The following MCU variants were observed in gnomAD, a reference collection of about 807,000 sequenced individuals.
MCU encodes the protein calcium uniporter protein, mitochondrial.
A neutral mutation model predicts 45.2 loss-of-function variants in MCU; 12 were observed. The observed-to-expected ratio is 0.27, with a 90% CI of 0.17 to 0.43. The LOEUF (loss-of-function observed/expected upper bound fraction) is 0.43. MCU is among the 20% of genes least tolerant of loss of function. The pLI is 1.00. For synonymous variants in MCU, 160 were observed against 165.1 expected (o/e 0.97, Z 0.24); for missense variants, 324 against 436.7 (o/e 0.74, Z 2.30).
intron 6 of MCU, among the ~76,000 whole-genome samples, chr10:72,875,366 C>T (rs1194325003): frequency 5.9e-5 from 9 of 152,192 alleles, no homozygotes; most frequent in African/African-American, 9.7e-5. Flanking sequence ...TCTCCCTTCT[C>T]GTCATGCTGT....
intron 1 of MCU, among the ~76,000 whole-genome samples, chr10:72,819,786 T>C (rs1303820531): frequency 7.0e-6 from 1 of 143,342 alleles, no homozygotes; most frequent in Non-Finnish European, 1.5e-5. Flanking sequence ...ACTTCATTCA[T>C]AAAAAGTTCA....
intron 2 of MCU, among the ~76,000 whole-genome samples, chr10:72,855,477 G>A (rs1845275293): frequency 6.6e-6 from 1 of 152,054 alleles, no homozygotes; most frequent in South Asian, 2.1e-4. Context: ...AGCCACTCAG[G>A]AAGCTGAGGT....
At chr10:72,855,408 T>C (rs1845273283) in intron 2 of MCU, among the ~76,000 whole-genome samples, 1 of 151,314 alleles carries the variant, frequency 6.6e-6, no homozygotes, top group African/African-American at 2.4e-5. Flanking sequence ...TGAGACCCTG[T>C]CTCTACCCCC....
At chr10:72,860,646 T>G in intron 4 of MCU, 119 bp downstream of exon 4, 1 of 727,820 alleles carries the variant, frequency 1.4e-6, no homozygotes, top group Non-Finnish European at 2.3e-6. Context: ...ACTGAAAGTT[T>G]TATATACAGA....
intron 1 of MCU, among the ~76,000 whole-genome samples, chr10:72,815,707 A>C (rs1486751066): frequency 6.6e-6 from 1 of 152,220 alleles, no homozygotes; most frequent in African/African-American, 2.4e-5. Flanking sequence ...TACCCATGAG[A>C]TCTTTTTCAG....
chr10:72,838,002 G>T (rs184064190), intron 2 of MCU, among the ~76,000 whole-genome samples: 84 of 151,536 alleles, frequency 5.5e-4, no homozygotes, highest in African/African-American at 1.9e-3. Context: ...GACTACAGGC[G>T]CTCACTACCA....
Position 72,754,644 on chromosome 10 carries a change from G to A in MCU, c.150+62343G>A, listed in dbSNP as rs143286338. The stretch of plus-strand genomic sequence containing the variant: ...CACCTGTGGTCCCAGCACTTTGGGA[G>A]GCAGAGACAGGGTTTCACCATGTTG... On this transcript the variant is annotated intron_variant, in intron 1 of 7. Coordinates refer to ENST00000373053, the MANE Select transcript of MCU (RefSeq NM_138357.3). Among the ~76,000 whole-genome samples, 9 of 152,310 alleles carry A rather than the reference G, an allele frequency of 5.9e-5. No individual in the cohort carries two copies. The East Asian group carries it at 1.7e-3, about 29-fold the overall frequency.
At chr10:72,880,003 A>G (rs1845676356) in intron 6 of MCU, among the ~76,000 whole-genome samples, 1 of 152,182 alleles carries the variant, frequency 6.6e-6, no homozygotes, top group South Asian at 2.1e-4. Flanking sequence ...AACCGAGATC[A>G]CGCCACTGCA....
intron 1 of MCU, among the ~76,000 whole-genome samples, chr10:72,753,491 G>A (rs1369166063): frequency 1.3e-5 from 2 of 152,172 alleles, no homozygotes; most frequent in African/African-American, 4.8e-5. Context: ...ATCTGAGGCT[G>A]AGAGAGATTA....
chr10:72,808,050 C>T (rs772661823), intron 1 of MCU, among the ~76,000 whole-genome samples: 13 of 152,114 alleles, frequency 8.5e-5, no homozygotes, highest in African/African-American at 2.2e-4. Flanking sequence ...GATTTCTTTA[C>T]GGAACACTTT....
chr10:72,831,259 T>C (rs1355833719), intron 1 of MCU, among the ~76,000 whole-genome samples: 2 of 152,190 alleles, frequency 1.3e-5, no homozygotes, highest in East Asian at 1.9e-4. Flanking sequence ...GTAAATCTAG[T>C]AAAATCTTAA....
intron 1 of MCU, among the ~76,000 whole-genome samples, chr10:72,825,168 T>A (rs1844778256): frequency 6.6e-6 from 1 of 152,182 alleles, no homozygotes; most frequent in Non-Finnish European, 1.5e-5. Flanking sequence ...CAGGGCACAA[T>A]TGGGTCAGTA....
chr10:72,846,010 G>A (rs1044464077), intron 2 of MCU, among the ~76,000 whole-genome samples: 10 of 151,894 alleles, frequency 6.6e-5, no homozygotes, highest in African/African-American at 2.2e-4. Context: ...ACAGGCAACC[G>A]CAGTCTGAAA....
intron 1 of MCU, among the ~76,000 whole-genome samples, chr10:72,759,103 G>A (rs999425097): frequency 9.2e-5 from 14 of 152,200 alleles, no homozygotes; most frequent in Admixed American, 6.5e-4. Context: ...AGGACGAGCC[G>A]CAGACAAAAC....
chr10:72,799,114 A>AC lies in MCU; in HGVS notation c.151-35244dup, dbSNP rs200316953. Among the ~76,000 whole-genome samples, 1,080 of 151,472 alleles carry AC rather than the reference A, an allele frequency of 7.1e-3. 19 individuals are homozygous for AC. Among genetic ancestry groups the AC allele is most frequent in the African/African-American group, 0.025 (1,030 of 41,248 alleles). On this transcript the variant is annotated intron_variant, in intron 1 of 7. Transcript: ENST00000373053. ...GCTAATTTTTGTATTTTTAGTAGAG[A>AC]CGGGGTTTCACCATATGGCCAGGCT...
intron 1 of MCU, among the ~76,000 whole-genome samples, chr10:72,730,204 G>A (rs144309018): frequency 1.3e-5 from 2 of 151,254 alleles, no homozygotes; most frequent in Non-Finnish European, 2.9e-5. Context: ...AAAGTAATCC[G>A]CTTGCCTTAA....
At chr10:72,776,243 A>G (rs1017636847) in intron 1 of MCU, among the ~76,000 whole-genome samples, 9 of 152,144 alleles carry the variant, frequency 5.9e-5, no homozygotes, top group Non-Finnish European at 1.0e-4. Context: ...CCCTGATACC[A>G]AAACAGATAA....
intron 1 of MCU, among the ~76,000 whole-genome samples, chr10:72,821,276 C>T (rs1466425198): frequency 4.7e-5 from 7 of 149,616 alleles, no homozygotes; most frequent in Non-Finnish European, 1.0e-4. Context: ...GCATGAAGTA[C>T]GAGGATCAAC....
At chr10:72,820,913 G>GTTT (rs745599064) in intron 1 of MCU, among the ~76,000 whole-genome samples, 1 of 145,742 alleles carries the variant, frequency 6.9e-6, no homozygotes. Flanking sequence ...TCTGTTGTTG[G>GTTT]TTTTTTTTTT....
Sources: gnomAD v4.1 joint callset for allele counts (sites outside exome capture counted in the v4.1 genomes callset) on GRCh38, gnomAD v4.1.1 for gene constraint, MANE v1.5 for transcripts, NCBI Gene and HGNC (gene_info 2026-07-23, HGNC 2026-07-21) for gene names.